The following TCF7L2 variants were observed in gnomAD, a reference collection of about 807,000 sequenced individuals.
TCF7L2 encodes transcription factor 7-like 2.
A neutral mutation model predicts 77.9 loss-of-function variants in TCF7L2; 23 were observed. That is an observed-to-expected ratio of 0.30 (90% CI 0.21 to 0.42). The LOEUF (loss-of-function observed/expected upper bound fraction) is 0.42. Ranked by LOEUF, TCF7L2 falls within the 10% of genes least tolerant of loss-of-function variation. The probability of loss-of-function intolerance (pLI) is 1.00; values close to 1 mark genes in which losing one functional copy is unlikely to be tolerated. For missense variants in TCF7L2, 654 were observed against 793.1 expected (o/e 0.82, Z 2.11); for synonymous variants, 413 against 340.2 (o/e 1.21, Z -2.36).
chr10:113,078,533 A>T (rs1043437814), intron 5 of TCF7L2, among the ~76,000 whole-genome samples: 1 of 152,080 alleles, frequency 6.6e-6, no homozygotes, highest in African/African-American at 2.4e-5. Flanking sequence ...ATGTGCCACC[A>T]CATCCAGCTC....
chr10:112,995,989 A>T (rs958909653), intron 4 of TCF7L2, among the ~76,000 whole-genome samples: 12 of 152,270 alleles, frequency 7.9e-5, no homozygotes, highest in African/African-American at 2.9e-4. Flanking sequence ...GAGATTTTTT[A>T]AATTTCCCAC....
chr10:113,117,363 T>G, intron 5 of TCF7L2, among the ~76,000 whole-genome samples: 1 of 129,812 alleles, frequency 7.7e-6, no homozygotes. Flanking sequence ...CTTGAAGGGA[T>G]TTTCTCTCTC....
chr10:113,029,417 A>G (rs146461535), intron 4 of TCF7L2, among the ~76,000 whole-genome samples: 1 of 152,086 alleles, frequency 6.6e-6, no homozygotes. Flanking sequence ...TTGTTTCCCA[A>G]GAAGCTTTGG....
chr10:113,003,432 A>G (rs1475424535), intron 4 of TCF7L2, among the ~76,000 whole-genome samples: 1 of 151,918 alleles, frequency 6.6e-6, no homozygotes, highest in Non-Finnish European at 1.5e-5. Flanking sequence ...TGGCTTGGGG[A>G]TGGTCTCTGA....
At position 113,143,934 on chromosome 10, in the gene TCF7L2, C is replaced by T. The variant is rs2136929064; in HGVS notation, c.697C>T (p.Pro233Ser). Residue 233 changes from proline to serine, a missense_variant, in exon 7 of 14, where the codon CCT becomes TCT. This residue lies in a region of TCF7L2 where 179 missense variants were observed against 270.6 expected (regional missense o/e 0.66). Transcript: ENST00000627217. ...GCTTCTTCCCTCAGGAATCCCACGG[C>T]CTCCGCACCCTCCAGATATATCCCC... The T allele has an allele frequency of 6.2e-7, 1 of 1,613,896 alleles. No individual in the cohort carries two copies. Among genetic ancestry groups the T allele is most frequent in the Non-Finnish European group, 8.5e-7 (1 of 1,179,902 alleles).
chr10:113,012,048 A>C (rs941484791), intron 4 of TCF7L2, among the ~76,000 whole-genome samples: 3 of 152,122 alleles, frequency 2.0e-5, no homozygotes, highest in Admixed American at 2.0e-4. Flanking sequence ...TCCCTTGAGT[A>C]TTGCCATTGA....
At chr10:113,157,304 G>A (rs750820680) in intron 11 of TCF7L2, among the ~76,000 whole-genome samples, 7 of 152,126 alleles carry the variant, frequency 4.6e-5, no homozygotes, top group Non-Finnish European at 8.8e-5. Context: ...TTTTAGTAGA[G>A]ACGGGGTTTC....
intron 5 of TCF7L2, among the ~76,000 whole-genome samples, chr10:113,046,140 G>A (rs1217178699): frequency 6.6e-6 from 1 of 152,166 alleles, no homozygotes; most frequent in East Asian, 1.9e-4. Flanking sequence ...CAGAAACTCT[G>A]TCCTCTGGTG....
intron 6 of TCF7L2, 69 bp from the exon 7 acceptor site, chr10:113,143,854 C>A: frequency 8.6e-7 from 1 of 1,157,030 alleles, no homozygotes; most frequent in East Asian, 2.5e-5. Context: ...TTCCCTGTTC[C>A]CATCCCCTAA....
rs1564719284 is a variant in TCF7L2, at chr10:112,964,805, G to GTGGTGATGGTGGTGGTGGTGA, written c.450+186_450+187insATGGTGGTGGTGGTGATGGTG. Among the ~76,000 whole-genome samples, 58 of 133,828 alleles carry GTGGTGATGGTGGTGGTGGTGA rather than the reference G, an allele frequency of 4.3e-4. 2 individuals are homozygous for GTGGTGATGGTGGTGGTGGTGA. Among genetic ancestry groups the GTGGTGATGGTGGTGGTGGTGA allele is most frequent in the South Asian group, 1.6e-3 (7 of 4,354 alleles). 87.8% of individuals were successfully genotyped at this position (133,828 alleles called of 152,430 possible). A position where few individuals can be genotyped will look rare whatever the true frequency, so the allele number is the denominator to read the frequency against. ...GGTGGTGGTGGTGATGGTGGTGGTG[G>GTGGTGATGGTGGTGGTGGTGA]TGGTGGTGGGGGGGGGTTGAATCAC... On this transcript the variant is annotated intron_variant, in intron 4 of 13. Coordinates refer to ENST00000627217, the MANE Select transcript of TCF7L2 (RefSeq NM_001146274.2).
chr10:113,109,211 G>A (rs1253934069), intron 5 of TCF7L2, among the ~76,000 whole-genome samples: 2 of 152,190 alleles, frequency 1.3e-5, no homozygotes, highest in Non-Finnish European at 2.9e-5. Context: ...CCATGGGATT[G>A]GGAAGAGCAG....
chr10:113,072,914 T>C (rs147352191), intron 5 of TCF7L2, among the ~76,000 whole-genome samples: 52 of 152,284 alleles, frequency 3.4e-4, no homozygotes, highest in Admixed American at 2.2e-3. Context: ...AGACCTTTTC[T>C]GCTGTCCAGG....
chr10:112,968,752 T>C (rs1245569310), intron 4 of TCF7L2, among the ~76,000 whole-genome samples: 1 of 152,110 alleles, frequency 6.6e-6, no homozygotes, highest in Non-Finnish European at 1.5e-5. Flanking sequence ...CTCATTTTTT[T>C]GTATTTTTAG....
chr10:113,134,703 A>T (rs2136631929), intron 5 of TCF7L2, among the ~76,000 whole-genome samples: 1 of 152,328 alleles, frequency 6.6e-6, no homozygotes, highest in Admixed American at 6.5e-5. Context: ...CATCTGGAAA[A>T]ATGCATAGAG....
intron 4 of TCF7L2, among the ~76,000 whole-genome samples, chr10:112,966,184 T>TATATATA (rs2036754580): frequency 3.5e-5 from 4 of 114,230 alleles, no homozygotes; most frequent in African/African-American, 1.4e-4. Flanking sequence ...TAAAATATAT[T>TATATATA]TATATATATA....
At chr10:113,049,344 TCAA>T (rs2054000995) in intron 5 of TCF7L2, among the ~76,000 whole-genome samples, 1 of 151,986 alleles carries the variant, frequency 6.6e-6, no homozygotes, top group Non-Finnish European at 1.5e-5. Flanking sequence ...TCAGTAAAGC[TCAA>T]CAACATCGAC....
At chr10:113,022,003 T>G (rs1235396172) in intron 4 of TCF7L2, among the ~76,000 whole-genome samples, 1 of 152,238 alleles carries the variant, frequency 6.6e-6, no homozygotes, top group Non-Finnish European at 1.5e-5. Flanking sequence ...TAGGCAATCT[T>G]TTAACAGGCT....
chr10:112,984,314 G>T lies in TCF7L2; in HGVS notation c.450+19690G>T, dbSNP rs899437844. Among the ~76,000 whole-genome samples the T allele has an allele frequency of 2.7e-5, 4 of 150,392 alleles. No individual in the cohort carries two copies. In the East Asian group the frequency reaches 7.8e-4, roughly 29 times the overall value. On this transcript the variant is annotated intron_variant, in intron 4 of 13. Transcript: ENST00000627217. ...ATCAGAAAGCTATGTTTTTGTTTTT[G>T]TTTTTTTTTGGCATTTGCCAGAACT...
chr10:113,088,995 T>A (rs910462316), intron 5 of TCF7L2, among the ~76,000 whole-genome samples: 8 of 151,148 alleles, frequency 5.3e-5, no homozygotes, highest in Non-Finnish European at 1.2e-4. Context: ...AGTGGAACCA[T>A]ATGTAATTGT....
Sources: allele counts gnomAD v4.1 joint callset (sites outside exome capture counted in the v4.1 genomes callset), GRCh38; gene constraint gnomAD v4.1.1; regional missense constraint gnomAD v4.1.1; transcripts MANE v1.5; gene names NCBI Gene and HGNC (gene_info 2026-07-23, HGNC 2026-07-21).